Variants in DYM observed in about 807,000 individuals in gnomAD.
DYM encodes dymeclin.
Under a neutral mutation model 93.1 loss-of-function variants are expected in DYM, and 78 were observed. The ratio of observed to expected loss-of-function variants is 0.84; its 90% confidence interval spans 0.70 to 1.01. DYM has a LOEUF of 1.01. Among genes scored for constraint, DYM ranks in the 50% least tolerant of loss-of-function variants. The pLI is 0.00. For missense variants in DYM, 789 were observed against 845.0 expected, an observed-to-expected ratio of 0.93 and a Z score of 0.82; for synonymous variants, 321 against 319.7, an observed-to-expected ratio of 1.00 and a Z score of -0.04.
chr18:49,424,255 A>G (rs529964432), intron 2 of DYM, among the ~76,000 whole-genome samples: 15 of 152,282 alleles, frequency 9.9e-5, no homozygotes, highest in African/African-American at 3.1e-4. Context: ...ATGCAAATCA[A>G]TAACCGTAAT....
At chr18:49,311,535 T>C (rs1568224298) in intron 8 of DYM, among the ~76,000 whole-genome samples, 1 of 152,152 alleles carries the variant, frequency 6.6e-6, no homozygotes, top group African/African-American at 2.4e-5. Context: ...CACTATGGAA[T>C]ACTATGCAGC....
intron 15 of DYM, among the ~76,000 whole-genome samples, chr18:49,126,647 TA>T (rs1373402079): frequency 3.6e-5 from 3 of 84,120 alleles, no homozygotes; most frequent in South Asian, 9.9e-4. Flanking sequence ...AAATGGTATT[TA>T]ATATTATTTG....
At chr18:49,134,730 T>C (rs2083674081) in intron 15 of DYM, among the ~76,000 whole-genome samples, 1 of 152,208 alleles carries the variant, frequency 6.6e-6, no homozygotes, top group Non-Finnish European at 1.5e-5. Flanking sequence ...ACCAAGGACA[T>C]AAAATAAGAT....
intron 5 of DYM, 65 bp downstream of exon 5, chr18:49,378,502 C>T: frequency 6.9e-7 from 1 of 1,448,464 alleles, no homozygotes; most frequent in Admixed American, 1.7e-5. Flanking sequence ...TACTTTTATT[C>T]CTGAAATTTT....
At chr18:49,095,966 T>C (rs1177426336) in intron 17 of DYM, among the ~76,000 whole-genome samples, 2 of 152,086 alleles carry the variant, frequency 1.3e-5, no homozygotes, top group Non-Finnish European at 2.9e-5. Flanking sequence ...TTCCTGGGAG[T>C]AGCCACTTTA....
intron 15 of DYM, among the ~76,000 whole-genome samples, chr18:49,158,965 C>T (rs1008563403): frequency 7.9e-5 from 12 of 152,220 alleles, no homozygotes; most frequent in African/African-American, 2.9e-4. Flanking sequence ...CCTGATATTA[C>T]TCATTGTACG....
At chr18:49,359,006 C>T (rs2065799935) in intron 6 of DYM, among the ~76,000 whole-genome samples, 1 of 152,172 alleles carries the variant, frequency 6.6e-6, no homozygotes, top group Admixed American at 6.5e-5. Flanking sequence ...CTCCACCACT[C>T]GGTTGGTTCC....
chr18:49,319,709 C>T (rs1448617577), intron 8 of DYM, among the ~76,000 whole-genome samples: 1 of 152,216 alleles, frequency 6.6e-6, no homozygotes, highest in Non-Finnish European at 1.5e-5. Flanking sequence ...CTCAAGGTGA[C>T]TCAACTTGCA....
chr18:49,348,726 T>C (rs565385287), intron 6 of DYM, among the ~76,000 whole-genome samples: 4 of 151,816 alleles, frequency 2.6e-5, no homozygotes, highest in South Asian at 2.1e-4. Flanking sequence ...CTGGCCAACA[T>C]GGTGAAACCC....
At chr18:49,338,571 A>T (rs1232995253) in intron 6 of DYM, among the ~76,000 whole-genome samples, 1 of 152,224 alleles carries the variant, frequency 6.6e-6, no homozygotes, top group African/African-American at 2.4e-5. Flanking sequence ...TAAACAAACC[A>T]AAGGACCCCA....
At chr18:49,118,947 C>T (rs2082146859) in intron 15 of DYM, 21 bp from the exon 16 acceptor site, 1 of 1,607,834 alleles carries the variant, frequency 6.2e-7, no homozygotes, top group Non-Finnish European at 8.5e-7. Flanking sequence ...AAAGAAACCC[C>T]AACACAGAGT....
intron 1 of DYM, among the ~76,000 whole-genome samples, chr18:49,434,065 G>C (rs1320973355): frequency 6.6e-6 from 1 of 152,030 alleles, no homozygotes; most frequent in African/African-American, 2.4e-5. Context: ...CAAAAATTAG[G>C]CTGGGCGCGG....
chr18:49,202,870 C>T lies in DYM; in HGVS notation c.1625+6681G>A, dbSNP rs1187130112. Among the ~76,000 whole-genome samples the T allele has an allele frequency of 5.5e-3, 565 of 103,668 alleles. 3 individuals are homozygous for T. The highest frequency in any genetic ancestry group is 0.011 in the Middle Eastern group (2 of 190). The allele number at this position is 103,668 out of a possible 152,430, so 68.0% of individuals were successfully genotyped here. ...CCATCTGGGAAGTGAGGAGCGTCTC[C>T]GCCCGGCAGCCACCCCGTCCGGGAG... is the stretch of plus-strand genomic sequence containing the variant. On this transcript the variant is annotated intron_variant, in intron 14 of 17. Transcript: ENST00000675505.
intron 1 of DYM, among the ~76,000 whole-genome samples, chr18:49,445,749 G>A (rs570587431): frequency 5.8e-4 from 89 of 152,256 alleles, no homozygotes; most frequent in Middle Eastern, 3.4e-3. Context: ...TGCAATAGCA[G>A]TAGCCAGAGT....
At chr18:49,386,177 T>G (rs1007995939) in intron 3 of DYM, among the ~76,000 whole-genome samples, 1 of 152,054 alleles carries the variant, frequency 6.6e-6, no homozygotes, top group Non-Finnish European at 1.5e-5. Context: ...CTCATGATTT[T>G]CAGGGGAACA....
chr18:49,300,723 TA>T (rs1356877260), intron 8 of DYM, among the ~76,000 whole-genome samples: 2 of 152,126 alleles, frequency 1.3e-5, no homozygotes, highest in African/African-American at 4.8e-5. Flanking sequence ...GCAGATGTAA[TA>T]AAGTACATTG....
chr18:49,167,450 T>G (rs12970381), intron 14 of DYM, among the ~76,000 whole-genome samples: 88,152 of 152,002 alleles, frequency 0.58, 27,963 homozygotes, highest in Non-Finnish European at 0.73. Context: ...AACAGAGAAT[T>G]CACACTTCCT....
Position 49,332,012 on chromosome 18 carries a change from C to T in DYM, c.621-6G>A, listed in dbSNP as rs369271897. 6.2e-7 allele frequency: 1 copy of T among 1,608,782 alleles called. No individual in the cohort carries two copies. The highest frequency in any genetic ancestry group is 1.7e-4 in the Middle Eastern group (1 of 5,834). On this transcript the variant is annotated splice_polypyrimidine_tract_variant and splice_region_variant and intron_variant, in intron 7 of 17. Coordinates refer to ENST00000675505, the MANE Select transcript of DYM (RefSeq NM_001353214.3). ...GTTTGCTGGTGTATGGAAGACTATA[C>T]AAAAAGGAAAAAAAAATCAAACTCA...
intron 8 of DYM, among the ~76,000 whole-genome samples, chr18:49,303,815 T>C (rs2061100773): frequency 6.6e-6 from 1 of 152,238 alleles, no homozygotes; most frequent in Non-Finnish European, 1.5e-5. Context: ...TTAATATTAA[T>C]TTACTAAATG....
Sources: allele counts gnomAD v4.1 joint callset (sites outside exome capture counted in the v4.1 genomes callset), GRCh38; gene constraint gnomAD v4.1.1; transcripts MANE v1.5; gene names NCBI Gene and HGNC (gene_info 2026-07-23, HGNC 2026-07-21).